The following KIZ variants were observed in gnomAD, a reference collection of about 807,000 sequenced individuals.
KIZ encodes centrosomal protein kizuna.
In KIZ, 68 loss-of-function variants were observed where a neutral mutation model predicts 79.6. The observed-to-expected ratio is 0.85, with a 90% CI of 0.70 to 1.05. The LOEUF (loss-of-function observed/expected upper bound fraction) is 1.05, where lower values mean the gene tolerates loss of function less well. KIZ is among the 50% of genes least tolerant of loss of function. The probability of loss-of-function intolerance (pLI) is 0.00; values close to 1 mark genes in which losing one functional copy is unlikely to be tolerated. For missense variants in KIZ, 797 were observed against 800.4 expected (o/e 1.00, Z 0.05); for synonymous variants, 280 against 281.8 (o/e 0.99, Z 0.06).
At chr20:21,238,992 C>T (rs867975814) in intron 11 of KIZ, among the ~76,000 whole-genome samples, 27 of 152,224 alleles carry the variant, frequency 1.8e-4, no homozygotes, top group African/African-American at 5.3e-4. Flanking sequence ...ATCACTTCCA[C>T]TTAGAACCCA....
chr20:21,229,254 CT>C, intron 10 of KIZ, 139 bp downstream of exon 10: 2 of 583,996 alleles, frequency 3.4e-6, no homozygotes, highest in Non-Finnish European at 6.2e-6. Context: ...TGAGCTAGTA[CT>C]TTTTTATCCT....
At chr20:21,203,309 CT>C (rs372691441) in intron 6 of KIZ, among the ~76,000 whole-genome samples, 313 of 152,202 alleles carry the variant, frequency 2.1e-3, no homozygotes, top group African/African-American at 7.3e-3. Context: ...ACCAGTTCCT[CT>C]TTACTCTTTA....
At chr20:21,188,676 T>TTTTATTTTATTTA (rs1555882084) in intron 6 of KIZ, among the ~76,000 whole-genome samples, 4 of 141,834 alleles carry the variant, frequency 2.8e-5, no homozygotes, top group East Asian at 2.1e-4. Context: ...TTGCATTTTA[T>TTTTATTTTATTTA]TTTATTTATT....
At position 21,205,579 on chromosome 20, in the gene KIZ, GA is replaced by G; in HGVS notation, c.1443del (p.Glu482ArgfsTer6). On this transcript the variant is annotated frameshift_variant, in exon 7 of 13. Transcript: ENST00000619189. LOFTEE classifies it high-confidence loss of function. ...GAAAGAACATGATAATTCTGTCAAA[GA>G]AGAGGTAGGTAGCTAAACTGTCTGA... is the stretch of plus-strand genomic sequence containing the variant. ...TLKEHDNSVK[E>X]EATALLRKAL... is the part of the protein sequence containing the mutation. 1 of 1,454,942 alleles carries G rather than the reference GA, an allele frequency of 6.9e-7. No homozygotes were observed. The highest frequency in any genetic ancestry group is 9.5e-7 in the Non-Finnish European group (1 of 1,052,154). The allele number at this position is 1,454,942 out of a possible 1,614,324, so 90.1% of individuals were successfully genotyped here.
In KIZ at chr20:21,223,830, C is replaced by T. The variant is rs180735062; in HGVS notation, c.1679-5181C>T. ...GATTACAGGCGCCCGCCACCATGCCCAGCTAATTTTTGTATTTTTGTATTT... is the reference window on the plus strand; with the variant it reads ...GATTACAGGCGCCCGCCACCATGCCTAGCTAATTTTTGTATTTTTGTATTT... On this transcript the variant is annotated intron_variant, in intron 9 of 12. Coordinates refer to ENST00000619189, the MANE Select transcript of KIZ (RefSeq NM_018474.6). Among the ~76,000 whole-genome samples the T allele has an allele frequency of 2.2e-3, 331 of 151,568 alleles. 1 individual carries two copies. The highest frequency in any genetic ancestry group is 7.7e-3 in the African/African-American group (317 of 41,294).
chr20:21,208,395 C>T (rs1212062003), intron 7 of KIZ, among the ~76,000 whole-genome samples: 1 of 152,170 alleles, frequency 6.6e-6, no homozygotes, highest in Admixed American at 6.5e-5. Flanking sequence ...AGATTAATGA[C>T]AAAATCTATC....
At chr20:21,134,249 C>T (rs1219678602) in intron 2 of KIZ, among the ~76,000 whole-genome samples, 2 of 152,202 alleles carry the variant, frequency 1.3e-5, no homozygotes, top group Non-Finnish European at 1.5e-5. Flanking sequence ...TCTCCAGCCT[C>T]TCCCTAAGAT....
At position 21,132,129 on chromosome 20, in the gene KIZ, T is replaced by C; in HGVS notation, c.122T>C (p.Leu41Pro). Reference protein sequence around the residue: ...EKKRLDLEKKLYEYNQSDTCR... With the variant: ...EKKRLDLEKKPYEYNQSDTCR... ...AAGAGATTGGACCTGGAAAAGAAAC[T>C]TTATGAATATAATCAGTCTGATACA... Residue 41 changes from leucine (L) to proline (P), a missense_variant, in exon 2 of 13, where the codon CTT becomes CCT. Coordinates refer to ENST00000619189, the MANE Select transcript of KIZ (RefSeq NM_018474.6). 1.4e-6 allele frequency: 2 copies of C among 1,470,372 alleles called. No homozygotes were observed. The highest frequency in any genetic ancestry group is 1.9e-6 in the Non-Finnish European group (2 of 1,078,060). 91.1% of individuals were successfully genotyped at this position (1,470,372 alleles called of 1,614,324 possible). A position where few individuals can be genotyped will look rare whatever the true frequency, so the allele number is the denominator to read the frequency against.
At position 21,162,513 on chromosome 20, in the gene KIZ, A is replaced by T. The variant is rs1219007866; in HGVS notation, c.1042+6A>T. On this transcript the variant is annotated splice_donor_region_variant and intron_variant, in intron 5 of 12. Transcript: ENST00000619189. The stretch of plus-strand genomic sequence containing the variant: ...TCCTTGGGAAGGTGTTTCAGGTGGG[A>T]TGAGAGGCTGAGTTTGGTTGCTGAT... The T allele has an allele frequency of 6.2e-7, 1 of 1,603,576 alleles. No individual in the cohort carries two copies.
chr20:21,153,236 A>G (rs987492694), intron 4 of KIZ, among the ~76,000 whole-genome samples: 2 of 152,126 alleles, frequency 1.3e-5, no homozygotes, highest in Non-Finnish European at 2.9e-5. Context: ...CATCATTACC[A>G]TTGTTGTTCT....
intron 6 of KIZ, among the ~76,000 whole-genome samples, chr20:21,180,943 A>G (rs2034632627): frequency 6.6e-6 from 1 of 152,236 alleles, no homozygotes; most frequent in Non-Finnish European, 1.5e-5. Flanking sequence ...TTACTGAACC[A>G]CAGAAGCCAT....
intron 11 of KIZ, among the ~76,000 whole-genome samples, chr20:21,241,107 T>C (rs1310406301): frequency 1.3e-5 from 2 of 152,256 alleles, no homozygotes; most frequent in East Asian, 3.8e-4. Context: ...TTTGATTTCT[T>C]TTACTTTCTG....
chr20:21,142,216 G>A (rs947735001), intron 3 of KIZ, among the ~76,000 whole-genome samples: 7 of 151,986 alleles, frequency 4.6e-5, no homozygotes, highest in Non-Finnish European at 1.0e-4. Context: ...CAATTAGAAG[G>A]CCTTTTTCCC....
chr20:21,141,639 C>T (rs1454122924), intron 3 of KIZ, among the ~76,000 whole-genome samples: 1 of 152,090 alleles, frequency 6.6e-6, no homozygotes. Context: ...ATGGGGTCTA[C>T]ATGTCAGGGC....
intron 11 of KIZ, among the ~76,000 whole-genome samples, chr20:21,236,378 C>T (rs770197625): frequency 6.6e-6 from 1 of 152,122 alleles, no homozygotes; most frequent in African/African-American, 2.4e-5. Context: ...TTTTGAGGAA[C>T]GTTCAAGCTG....
At chr20:21,126,491 A>G (rs1463822014) in intron 1 of KIZ, among the ~76,000 whole-genome samples, 4 of 152,034 alleles carry the variant, frequency 2.6e-5, no homozygotes, top group Non-Finnish European at 5.9e-5. Flanking sequence ...ATTTGCCCAG[A>G]AGTGAAGGTG....
intron 2 of KIZ, among the ~76,000 whole-genome samples, chr20:21,133,839 A>G (rs2032002014): frequency 6.6e-6 from 1 of 152,184 alleles, no homozygotes; most frequent in Non-Finnish European, 1.5e-5. Flanking sequence ...AGACCTTCAG[A>G]GGAGCCTTCA....
intron 11 of KIZ, among the ~76,000 whole-genome samples, chr20:21,240,120 A>C (rs1002865109): frequency 6.6e-6 from 1 of 151,756 alleles, no homozygotes; most frequent in African/African-American, 2.4e-5. Context: ...AATTAAAACT[A>C]ATTAATTAAC....
At chr20:21,146,891 C>T (rs2032875781) in intron 4 of KIZ, among the ~76,000 whole-genome samples, 1 of 151,556 alleles carries the variant, frequency 6.6e-6, no homozygotes, top group South Asian at 2.1e-4. Flanking sequence ...AACACCAAGC[C>T]CCAGCAACCT....
Sources: gnomAD v4.1 joint callset for allele counts (sites outside exome capture counted in the v4.1 genomes callset) on GRCh38, gnomAD v4.1.1 for gene constraint, MANE v1.5 for transcripts, NCBI Gene and HGNC (gene_info 2026-07-23, HGNC 2026-07-21) for gene names.